The following TMEFF2 variants were observed in gnomAD, a reference collection of about 807,000 sequenced individuals.
TMEFF2 encodes the protein transmembrane protein with EGF like and two follistatin like domains 2.
In TMEFF2, 28 loss-of-function variants were observed where a neutral mutation model predicts 53.8. The ratio of observed to expected loss-of-function variants is 0.52; its 90% CI spans 0.39 to 0.71. The LOEUF (loss-of-function observed/expected upper bound fraction) is 0.71, where lower values mean the gene tolerates loss of function less well. Among genes scored for constraint, TMEFF2 ranks in the 30% least tolerant of loss-of-function variants. TMEFF2 has a pLI of 0.00. For synonymous variants in TMEFF2, 162 were observed against 166.3 expected, an observed-to-expected ratio of 0.97 and a Z score of 0.20; for missense variants, 353 against 455.2, an observed-to-expected ratio of 0.78 and a Z score of 2.04.
intron 7 of TMEFF2, among the ~76,000 whole-genome samples, chr2:191,967,213 G>T (rs978248139): frequency 6.6e-6 from 1 of 152,084 alleles, no homozygotes; most frequent in East Asian, 1.9e-4. Flanking sequence ...ATTATGCAAT[G>T]CTAGATACCT....
chr2:192,083,304 G>T (rs1688595661), intron 4 of TMEFF2, among the ~76,000 whole-genome samples: 1 of 152,126 alleles, frequency 6.6e-6, no homozygotes, highest in Admixed American at 6.5e-5. Flanking sequence ...TCCATCAGGT[G>T]ATCTGAAGGC....
chr2:192,010,336 C>T (rs1040890543), intron 5 of TMEFF2, among the ~76,000 whole-genome samples: 2 of 151,960 alleles, frequency 1.3e-5, no homozygotes, highest in African/African-American at 2.4e-5. Flanking sequence ...GAAACTCTTG[C>T]GATGAAGGAC....
rs1691563571 is a variant in TMEFF2, at chr2:192,194,677, C to T, written c.-153G>A. ...CCGGCGGGGAAGCAGCAGCCAAACCCGCGCATGATCTCGAGAGTTTCAGCA... is the reference window on the plus strand; with the variant it reads ...CCGGCGGGGAAGCAGCAGCCAAACCTGCGCATGATCTCGAGAGTTTCAGCA... On this transcript the variant is annotated 5_prime_UTR_variant, in exon 1 of 10. Coordinates refer to ENST00000272771, the MANE Select transcript of TMEFF2 (RefSeq NM_016192.4). The surrounding 1 kb of genome is among the most constrained non-coding windows in gnomAD (Gnocchi z 4.2). 3 of 745,210 alleles carry T rather than the reference C, an allele frequency of 4.0e-6. No individual in the cohort carries two copies. The highest frequency in any genetic ancestry group is 3.9e-4 in the Middle Eastern group (1 of 2,584). 46.2% of individuals were successfully genotyped at this position (745,210 alleles called of 1,614,324 possible). A position where few individuals can be genotyped will look rare whatever the true frequency, so the allele number is the denominator to read the frequency against.
intron 5 of TMEFF2, among the ~76,000 whole-genome samples, chr2:192,006,592 C>A (rs751470599): frequency 7.9e-5 from 12 of 152,130 alleles, no homozygotes; most frequent in Non-Finnish European, 1.6e-4. Flanking sequence ...CTTTAGAATC[C>A]TCACCTGTGA....
At chr2:192,169,050 A>G (rs1266306181) in intron 4 of TMEFF2, among the ~76,000 whole-genome samples, 5 of 152,048 alleles carry the variant, frequency 3.3e-5, no homozygotes, top group African/African-American at 1.2e-4. Context: ...GTATTAATGC[A>G]TTGGTTCAGC....
chr2:192,081,348 T>A (rs955945030), intron 4 of TMEFF2, among the ~76,000 whole-genome samples: 1 of 152,158 alleles, frequency 6.6e-6, no homozygotes, highest in Non-Finnish European at 1.5e-5. Flanking sequence ...CTTAAGTAGT[T>A]TGAGGTTTTG....
chr2:192,087,921 T>C (rs1251045448), intron 4 of TMEFF2, among the ~76,000 whole-genome samples: 1 of 152,180 alleles, frequency 6.6e-6, no homozygotes, highest in East Asian at 1.9e-4. Context: ...AATTTACTTA[T>C]AAAGAATTAA....
At chr2:192,075,330 T>TATAC (rs1688405647) in intron 4 of TMEFF2, among the ~76,000 whole-genome samples, 18 of 100,942 alleles carry the variant, frequency 1.8e-4, no homozygotes, top group East Asian at 8.4e-4. Flanking sequence ...TATATATATA[T>TATAC]ATACATACAT....
intron 4 of TMEFF2, among the ~76,000 whole-genome samples, chr2:192,111,524 A>G (rs1203034812): frequency 1.3e-5 from 2 of 152,200 alleles, no homozygotes. Context: ...GGTGCTGTTA[A>G]AAGCATTCAG....
intron 4 of TMEFF2, among the ~76,000 whole-genome samples, chr2:192,079,738 CT>C: frequency 6.6e-6 from 1 of 152,172 alleles, no homozygotes; most frequent in South Asian, 2.1e-4. Flanking sequence ...TCTTGATTTG[CT>C]TACTGGCTTT....
In TMEFF2 at chr2:192,163,252, C is replaced by T. The variant is rs181766407; in HGVS notation, c.439+16416G>A. 2.5e-3 allele frequency among the ~76,000 whole-genome samples: 373 copies of T among 152,244 alleles called. 2 individuals are homozygous for T. The highest frequency in any genetic ancestry group is 8.5e-3 in the African/African-American group (354 of 41,562). On this transcript the variant is annotated intron_variant, in intron 4 of 9. Transcript: ENST00000272771. Reference sequence around the variant, plus strand: ...TATAGGTAAAGCGCTATTGTGTGGACATTTACATTGACAAAGAAGGAGAAA... The same window carrying T: ...TATAGGTAAAGCGCTATTGTGTGGATATTTACATTGACAAAGAAGGAGAAA...
At chr2:192,178,986 G>A (rs1054403271) in intron 4 of TMEFF2, 1 of 150,996 alleles carries the variant, frequency 6.6e-6, no homozygotes, top group Admixed American at 6.6e-5. Flanking sequence ...CAATCTATAG[G>A]TAAAATCTTT....
intron 7 of TMEFF2, among the ~76,000 whole-genome samples, chr2:191,973,556 T>C (rs1400985674): frequency 4.6e-5 from 7 of 152,108 alleles, no homozygotes; most frequent in Non-Finnish European, 1.0e-4. Flanking sequence ...GTCAGAAATA[T>C]TCAGTGAATC....
At chr2:192,136,115 T>G (rs1019263137) in intron 4 of TMEFF2, among the ~76,000 whole-genome samples, 1 of 151,950 alleles carries the variant, frequency 6.6e-6, no homozygotes, top group Non-Finnish European at 1.5e-5. Context: ...CATGAAAGAG[T>G]ATTTTTCCTT....
intron 5 of TMEFF2, among the ~76,000 whole-genome samples, chr2:192,032,885 A>G (rs1364638253): frequency 6.6e-6 from 1 of 152,216 alleles, no homozygotes; most frequent in African/African-American, 2.4e-5. Context: ...TATATTATAA[A>G]TAAACCTGTT....
intron 4 of TMEFF2, among the ~76,000 whole-genome samples, chr2:192,133,962 C>T (rs1177973870): frequency 6.6e-6 from 1 of 152,176 alleles, no homozygotes; most frequent in African/African-American, 2.4e-5. Flanking sequence ...ATGGTTAGTG[C>T]AGTCAGAATT....
At chr2:192,040,447 G>A (rs957745257) in intron 5 of TMEFF2, among the ~76,000 whole-genome samples, 6 of 152,086 alleles carry the variant, frequency 3.9e-5, no homozygotes, top group African/African-American at 1.4e-4. Flanking sequence ...GCTTTCTAAA[G>A]AGGTGACTAG....
chr2:192,091,286 G>A (rs1387665331), intron 4 of TMEFF2, among the ~76,000 whole-genome samples: 4 of 152,066 alleles, frequency 2.6e-5, no homozygotes, highest in South Asian at 2.1e-4. Flanking sequence ...CAGCATAAGC[G>A]AAAGTCACAC....
intron 5 of TMEFF2, among the ~76,000 whole-genome samples, chr2:192,024,645 G>T (rs984899887): frequency 6.6e-6 from 1 of 152,188 alleles, no homozygotes; most frequent in Non-Finnish European, 1.5e-5. Flanking sequence ...GGTGTTTCAT[G>T]AGAGTTTTTC....
Sources: allele counts gnomAD v4.1 joint callset (sites outside exome capture counted in the v4.1 genomes callset), GRCh38; gene constraint gnomAD v4.1.1; non-coding constraint Gnocchi (gnomAD v3.1); transcripts MANE v1.5; gene names NCBI Gene and HGNC (gene_info 2026-07-23, HGNC 2026-07-21).